The following SPATA6 variants were observed in gnomAD, a reference collection of about 807,000 sequenced individuals.
SPATA6 encodes the protein spermatogenesis-associated protein 6.
Under a neutral mutation model 65.3 loss-of-function variants are expected in SPATA6, and 56 were observed. The observed-to-expected ratio is 0.86, with a 90% confidence interval of 0.69 to 1.07. The LOEUF is 1.07. Among genes scored for constraint, SPATA6 ranks in the 50% least tolerant of loss-of-function variants. The pLI is 0.00. For missense variants in SPATA6, 590 were observed against 594.8 expected (o/e 0.99, Z 0.08); for synonymous variants, 199 against 213.2 (o/e 0.93, Z 0.58).
rs1358959576 is a variant in SPATA6 at position 48,338,307 on chromosome 1, C to T, written c.1194+17363G>A. Among the ~76,000 whole-genome samples, 4 of 152,038 alleles carry T rather than the reference C, an allele frequency of 2.6e-5. No individual in the cohort carries two copies. In the South Asian group the frequency reaches 6.2e-4, roughly 24 times the overall value. On this transcript the variant is annotated intron_variant, in intron 11 of 12. Transcript: ENST00000371847. ...TGTTGCCTGTACAAGGGTGGAGTGA[C>T]AAAACGTGAGTTTTATGAGGCTTTA...
At chr1:48,281,025 C>A in the SPATA6 span, among the ~76,000 whole-genome samples, 1 of 150,564 alleles carries the variant, frequency 6.6e-6, no homozygotes, top group Non-Finnish European at 1.5e-5. Context: ...AAGGCTGGTT[C>A]AATATACACA....
Position 48,366,333 on chromosome 1 carries a change from C to G in SPATA6, c.910-6563G>C, listed in dbSNP as rs573322190. On this transcript the variant is annotated intron_variant, in intron 9 of 12. Coordinates refer to ENST00000371847, the MANE Select transcript of SPATA6 (RefSeq NM_019073.4). ...TAAAATGAGTTAGGGAGGATTCCCTCTTTTTCTATTGATTGGAATAGTTTC... is the reference window on the plus strand; with the variant it reads ...TAAAATGAGTTAGGGAGGATTCCCTGTTTTTCTATTGATTGGAATAGTTTC... 3.3e-5 allele frequency among the ~76,000 whole-genome samples: 5 copies of G among 152,236 alleles called. No individual in the cohort carries two copies. In the East Asian group the frequency reaches 9.7e-4, roughly 29 times the overall value.
intron 3 of SPATA6, among the ~76,000 whole-genome samples, chr1:48,450,321 G>A (rs1336656821): frequency 1.4e-5 from 2 of 138,532 alleles, no homozygotes; most frequent in African/African-American, 5.4e-5. Flanking sequence ...GAATACTAGT[G>A]GTTGGGAAGA....
intron 1 of SPATA6, among the ~76,000 whole-genome samples, chr1:48,455,269 A>G (rs1656910512): frequency 6.6e-6 from 1 of 152,254 alleles, no homozygotes; most frequent in South Asian, 2.1e-4. Flanking sequence ...CTCAGTAAAA[A>G]AAATCTGTAA....
At chr1:48,469,376 A>C (rs578147322) in intron 1 of SPATA6, among the ~76,000 whole-genome samples, 60 of 152,142 alleles carry the variant, frequency 3.9e-4, no homozygotes, top group African/African-American at 1.4e-3. Flanking sequence ...GCCAGTTTTA[A>C]TAGATACAGA....
At chr1:48,428,809 G>GTA (rs1553169231) in intron 3 of SPATA6, among the ~76,000 whole-genome samples, 22,165 of 137,284 alleles carry the variant, frequency 0.16, 1,841 homozygotes, top group East Asian at 0.21. Flanking sequence ...GTGTGTGTGT[G>GTA]TATATGTATA....
chr1:48,275,303 C>T, the SPATA6 span, among the ~76,000 whole-genome samples: 2 of 152,180 alleles, frequency 1.3e-5, no homozygotes, highest in South Asian at 2.1e-4. Context: ...AATTTGACTT[C>T]CTCTCTTCCT....
At chr1:48,393,558 T>C (rs1201544358) in intron 8 of SPATA6, among the ~76,000 whole-genome samples, 1 of 152,212 alleles carries the variant, frequency 6.6e-6, no homozygotes, top group Admixed American at 6.5e-5. Context: ...CTTTATAGAT[T>C]AGTTAATATT....
chr1:48,367,708 T>A (rs1414725261), intron 9 of SPATA6, among the ~76,000 whole-genome samples: 2 of 152,186 alleles, frequency 1.3e-5, no homozygotes, highest in Non-Finnish European at 2.9e-5. Flanking sequence ...ATGAGATGGG[T>A]CTCCTGAGTA....
intron 9 of SPATA6, among the ~76,000 whole-genome samples, chr1:48,365,176 G>A (rs548991523): frequency 6.6e-6 from 1 of 152,190 alleles, no homozygotes; most frequent in East Asian, 1.9e-4. Context: ...TTTGGTAACA[G>A]TACCATGCTG....
rs1644829726 is a variant in SPATA6 at position 48,297,160 on chromosome 1, G to GTA, written c.*1552_*1553insTA. 1.4e-5 allele frequency: 2 copies of GTA among 147,924 alleles called. No homozygotes were observed. The highest frequency in any genetic ancestry group is 2.3e-4 in the South Asian group (1 of 4,312). The allele number at this position is 147,924 out of a possible 1,614,324, so 9.2% of individuals were successfully genotyped here. A position where few individuals can be genotyped will look rare whatever the true frequency, so the allele number is the denominator to read the frequency against. On this transcript the variant is annotated 3_prime_UTR_variant, in exon 13 of 13. Coordinates refer to ENST00000371847, the MANE Select transcript of SPATA6 (RefSeq NM_019073.4). ...TGTGTGTGTGTGTGTGTGTGTGTGT[G>GTA]TGTATGTGTGTAGCAAACAGATTTT...
intron 11 of SPATA6, among the ~76,000 whole-genome samples, chr1:48,328,345 C>T (rs1453192021): frequency 6.6e-6 from 1 of 151,818 alleles, no homozygotes; most frequent in Non-Finnish European, 1.5e-5. Flanking sequence ...TGGCAACAAC[C>T]CAAACTAAAT....
chr1:48,397,475 A>G (rs764029836), intron 7 of SPATA6, among the ~76,000 whole-genome samples: 1 of 151,722 alleles, frequency 6.6e-6, no homozygotes, highest in Non-Finnish European at 1.5e-5. Context: ...TGATTTCTTA[A>G]AACTGTTTCC....
intron 1 of SPATA6, among the ~76,000 whole-genome samples, chr1:48,469,043 C>A (rs1172811487): frequency 3.3e-5 from 5 of 152,102 alleles, no homozygotes; most frequent in Non-Finnish European, 5.9e-5. Context: ...TCACAGCATA[C>A]TACAGCTTCA....
chr1:48,321,233 T>TA (rs1333497937), intron 11 of SPATA6, among the ~76,000 whole-genome samples: 18 of 151,860 alleles, frequency 1.2e-4, no homozygotes, highest in African/African-American at 3.9e-4. Context: ...TGAAATAAAT[T>TA]AAAAACAACA....
At position 48,429,531 on chromosome 1, in the gene SPATA6, G is replaced by T. The variant is rs1330545281; in HGVS notation, c.239-16380C>A. ...AAAACTAGAGAAGACAAAAAATCTGGATTCCAGAGTTACCACATCATCAGA... is the reference window on the plus strand; with the variant it reads ...AAAACTAGAGAAGACAAAAAATCTGTATTCCAGAGTTACCACATCATCAGA... On this transcript the variant is annotated intron_variant, in intron 3 of 12. Transcript: ENST00000371847. Among the ~76,000 whole-genome samples the T allele has an allele frequency of 2.0e-5, 3 of 152,130 alleles. No individual in the cohort carries two copies. The East Asian group carries it at 5.8e-4, about 29-fold the overall frequency.
At chr1:48,274,315 T>G in the SPATA6 span, among the ~76,000 whole-genome samples, 2 of 152,224 alleles carry the variant, frequency 1.3e-5, no homozygotes, top group Non-Finnish European at 2.9e-5. Flanking sequence ...GATGATAGTT[T>G]CTTTTATTGT....
rs146738974 is a variant in SPATA6, at chr1:48,303,960, C to T, written c.1286+1827G>A. Among the ~76,000 whole-genome samples the T allele has an allele frequency of 4.1e-3, 629 of 152,270 alleles. 4 individuals carry two copies. Among genetic ancestry groups the T allele is most frequent in the African/African-American group, 0.014 (593 of 41,554 alleles). Reference sequence around the variant, plus strand: ...ACTTCTTCATGATGCCTGTGTCAAACGGCATCTGTAGAGGATTGATAGTAA... The same window carrying T: ...ACTTCTTCATGATGCCTGTGTCAAATGGCATCTGTAGAGGATTGATAGTAA... On this transcript the variant is annotated intron_variant, in intron 12 of 12. Coordinates refer to ENST00000371847, the MANE Select transcript of SPATA6 (RefSeq NM_019073.4).
chr1:48,437,943 G>A (rs1386452039), intron 3 of SPATA6, among the ~76,000 whole-genome samples: 1 of 150,912 alleles, frequency 6.6e-6, no homozygotes, highest in East Asian at 1.9e-4. Flanking sequence ...CTAGCTAAAG[G>A]TTTGTAAACA....
Sources: allele counts gnomAD v4.1 joint callset (sites outside exome capture counted in the v4.1 genomes callset), GRCh38; gene constraint gnomAD v4.1.1; transcripts MANE v1.5; gene names NCBI Gene and HGNC (gene_info 2026-07-23, HGNC 2026-07-21).